The following ZBTB8B variants were observed in gnomAD, a reference collection of about 807,000 sequenced individuals.
The protein encoded by ZBTB8B is zinc finger and BTB domain containing 8B, also known as zinc finger and BTB domain-containing protein 8B.
ZBTB8B carries 17 observed loss-of-function variants against 30.3 expected under a neutral mutation model. That is an observed-to-expected ratio of 0.56 (90% confidence interval 0.38 to 0.84). The LOEUF is 0.84. Among genes scored for constraint, ZBTB8B ranks in the 40% least tolerant of loss-of-function variants. The pLI, the probability that ZBTB8B is intolerant of heterozygous loss-of-function variation, is 0.00. For missense variants in ZBTB8B, 515 were observed against 644.9 expected (o/e 0.80, Z 2.18); for synonymous variants, 248 against 255.6 (o/e 0.97, Z 0.28).
rs1050941921 is a variant in ZBTB8B, at chr1:32,465,320, C to G, written c.-42+215C>G. Among the ~76,000 whole-genome samples the G allele has an allele frequency of 6.6e-6, 1 of 152,272 alleles. No homozygotes were observed. The highest frequency in any genetic ancestry group is 1.9e-4 in the East Asian group (1 of 5,190). ...GGCAGGCGCGGCCGTGGGGCCCCAG[C>G]TTCCCTGTCATTGGGTGTCCTCCGC... On this transcript the variant is annotated intron_variant, in intron 1 of 3. Transcript: ENST00000609129. This position sits in a 1 kb window ranked among gnomAD's most constrained non-coding sequence, Gnocchi z 4.1.
In ZBTB8B at chr1:32,471,159, C is replaced by G; in HGVS notation, c.535C>G (p.Pro179Ala). Residue 179 changes from proline to alanine, a missense_variant, in exon 2 of 4, where the codon CCA becomes GCA. Physicochemically the swap from Pro to Ala is conservative, Grantham distance 27. Coordinates refer to ENST00000609129, the MANE Select transcript of ZBTB8B (RefSeq NM_001145720.2). ...TGGTACCAAGAGCTTGGTCTCCTCT[C>G]CAGCCGAGGGAGAAAAGAGCGTGGA... The part of the protein sequence containing the change: ...SCGTKSLVSS[P>A]AEGEKSVECL... The G allele has an allele frequency of 6.4e-7, 1 of 1,551,798 alleles. No homozygotes were observed. The highest frequency in any genetic ancestry group is 2.0e-5 in the Admixed American group (1 of 51,012).
In ZBTB8B at chr1:32,495,987, A is replaced by G. The variant is rs1643814544; in HGVS notation, c.*10569A>G. On this transcript the variant is annotated 3_prime_UTR_variant, in exon 4 of 4. Transcript: ENST00000609129. Reference sequence around the variant, plus strand: ...CATAATTTTAGTTACTGTTTTTCTCAGGGCAATTATTTTATATAAAATTCT... The same window carrying G: ...CATAATTTTAGTTACTGTTTTTCTCGGGGCAATTATTTTATATAAAATTCT... The G allele has an allele frequency of 6.6e-6, 1 of 152,144 alleles. No homozygotes were observed. 9.4% of individuals were successfully genotyped at this position (152,144 alleles called of 1,614,324 possible). A position where few individuals can be genotyped will look rare whatever the true frequency, so the allele number is the denominator to read the frequency against.
At chr1:32,474,796 C>T (rs753180687) in intron 2 of ZBTB8B, among the ~76,000 whole-genome samples, 54 of 152,276 alleles carry the variant, frequency 3.5e-4, no homozygotes, top group Non-Finnish European at 5.7e-4. Context: ...TAGTGAGTTT[C>T]GTAAGAATGT....
chr1:32,472,135 C>G (rs1643629658), intron 2 of ZBTB8B, among the ~76,000 whole-genome samples: 1 of 152,156 alleles, frequency 6.6e-6, no homozygotes, highest in Non-Finnish European at 1.5e-5. Flanking sequence ...ATTGCCACCA[C>G]CACCACCACC....
chr1:32,465,588 A>T lies in ZBTB8B; in HGVS notation c.-42+483A>T, dbSNP rs574185679. ...GGAGGGTCTGTCTTGCGAGCAGTTTAGATGCAGTTGACCCTGAAATTCTTC... is the reference window on the plus strand; with the variant it reads ...GGAGGGTCTGTCTTGCGAGCAGTTTTGATGCAGTTGACCCTGAAATTCTTC... On this transcript the variant is annotated intron_variant, in intron 1 of 3. Coordinates refer to ENST00000609129, the MANE Select transcript of ZBTB8B (RefSeq NM_001145720.2). This position sits in a 1 kb window ranked among gnomAD's most constrained non-coding sequence, Gnocchi z 4.1. Among the ~76,000 whole-genome samples, 1 of 152,268 alleles carries T rather than the reference A, an allele frequency of 6.6e-6. No individual in the cohort carries two copies. The highest frequency in any genetic ancestry group is 2.1e-4 in the South Asian group (1 of 4,828).
chr1:32,477,648 C>A (rs1206299234), intron 2 of ZBTB8B, among the ~76,000 whole-genome samples: 1 of 151,878 alleles, frequency 6.6e-6, no homozygotes, highest in African/African-American at 2.4e-5. Context: ...CACCTGTAAT[C>A]CTGGCACTTT....
At position 32,492,939 on chromosome 1, in the gene ZBTB8B, A is replaced by G. The variant is rs938060187; in HGVS notation, c.*7521A>G. The G allele has an allele frequency of 4.0e-5, 6 of 151,842 alleles. No homozygotes were observed. The highest frequency in any genetic ancestry group is 1.5e-4 in the African/African-American group (6 of 41,316). The allele number at this position is 151,842 out of a possible 1,614,324, so 9.4% of individuals were successfully genotyped here. On this transcript the variant is annotated 3_prime_UTR_variant, in exon 4 of 4. Coordinates refer to ENST00000609129, the MANE Select transcript of ZBTB8B (RefSeq NM_001145720.2). Reference sequence around the variant, plus strand: ...CTCAGAGACGCTTTCTGTCTAAGCTACTCTTCCTATCCAGTAAACTTCCAG... The same window carrying G: ...CTCAGAGACGCTTTCTGTCTAAGCTGCTCTTCCTATCCAGTAAACTTCCAG...
chr1:32,471,397 TGGA>T lies in ZBTB8B; in HGVS notation c.779_781del (p.Glu260del), dbSNP rs1557681047. ...GCTGCCCCGCTGAACCTGGCCCACG[TGGA>T]GGAGGCCTTGCCAAGCGGCCAGGCG... On this transcript the variant is annotated inframe_deletion, in exon 2 of 4. Transcript: ENST00000609129. The T allele has an allele frequency of 6.4e-7, 1 of 1,551,774 alleles. No individual in the cohort carries two copies. Among genetic ancestry groups the T allele is most frequent in the East Asian group, 2.4e-5 (1 of 40,926 alleles).
In ZBTB8B at chr1:32,476,149, G is replaced by GT. The variant is rs1643663753; in HGVS notation, c.991+4538dup. On this transcript the variant is annotated intron_variant, in intron 2 of 3. Transcript: ENST00000609129. Reference sequence around the variant, plus strand: ...GTTTTGTTTTGTTTTGTTTTGTTTTGTTTTGAGACAGGGTCTCACGCTGTC... The same window carrying GT: ...GTTTTGTTTTGTTTTGTTTTGTTTTGTTTTTGAGACAGGGTCTCACGCTGTC... 6.0e-5 allele frequency among the ~76,000 whole-genome samples: 9 copies of GT among 151,182 alleles called. No homozygotes were observed. In the East Asian group the frequency reaches 9.8e-4, roughly 16 times the overall value.
rs746279390 is a variant in ZBTB8B at position 32,471,453 on chromosome 1, G to T, written c.829G>T (p.Val277Leu). 2.6e-6 allele frequency: 4 copies of T among 1,551,814 alleles called. No individual in the cohort carries two copies. Among genetic ancestry groups the T allele is most frequent in the Non-Finnish European group, 2.6e-6 (3 of 1,147,016 alleles). Residue 277 changes from valine to leucine, a missense_variant, in exon 2 of 4, where the codon GTG (valine) becomes TTG (leucine). By Grantham distance (32) the Val-to-Leu change is conservative. Coordinates refer to ENST00000609129, the MANE Select transcript of ZBTB8B (RefSeq NM_001145720.2). ...TGACTTGGCTTACAGCAACTACCACGTGAAGCAGTTCCTGGAGGCGCTCTT... is the reference window on the plus strand; with the variant it reads ...TGACTTGGCTTACAGCAACTACCACTTGAAGCAGTTCCTGGAGGCGCTCTT... The part of the protein sequence containing the change: ...AVDLAYSNYH[V>L]KQFLEALLRN...
At position 32,489,119 on chromosome 1, in the gene ZBTB8B, C is replaced by G. The variant is rs1167846913; in HGVS notation, c.*3701C>G. 1 of 152,110 alleles carries G rather than the reference C, an allele frequency of 6.6e-6. No homozygotes were observed. The highest frequency in any genetic ancestry group is 1.5e-5 in the Non-Finnish European group (1 of 68,018). The allele number at this position is 152,110 out of a possible 1,614,324, so 9.4% of individuals were successfully genotyped here. A position where few individuals can be genotyped will look rare whatever the true frequency, so the allele number is the denominator to read the frequency against. On this transcript the variant is annotated 3_prime_UTR_variant, in exon 4 of 4. Transcript: ENST00000609129. ...GCTGACCTTCATAATATTTAGTAGC[C>G]CCTTATACTCTCGCAAATTTTAGAA...
intron 3 of ZBTB8B, among the ~76,000 whole-genome samples, chr1:32,482,716 G>A (rs2148185793): frequency 6.7e-6 from 1 of 150,370 alleles, no homozygotes; most frequent in African/African-American, 2.4e-5. Flanking sequence ...CTCAGAATGG[G>A]AGAAAATATT....
Position 32,493,063 on chromosome 1 carries a change from T to C in ZBTB8B, c.*7645T>C, listed in dbSNP as rs1326537962. The stretch of plus-strand genomic sequence containing the variant: ...TTGGTCACTAACAGTGTTTAAATTA[T>C]GTGTTTTATTCAGTTATGCAAAAAT... On this transcript the variant is annotated 3_prime_UTR_variant, in exon 4 of 4. Transcript: ENST00000609129. 1 of 152,244 alleles carries C rather than the reference T, an allele frequency of 6.6e-6. No homozygotes were observed. The highest frequency in any genetic ancestry group is 1.5e-5 in the Non-Finnish European group (1 of 68,040). The allele number at this position is 152,244 out of a possible 1,614,324, so 9.4% of individuals were successfully genotyped here.
intron 3 of ZBTB8B, among the ~76,000 whole-genome samples, chr1:32,483,106 C>G (rs918263341): frequency 2.0e-5 from 3 of 151,428 alleles, no homozygotes; most frequent in Admixed American, 6.6e-5. Flanking sequence ...AAGATAGTTC[C>G]TAGGCCCAGC....
intron 1 of ZBTB8B, among the ~76,000 whole-genome samples, chr1:32,468,800 G>A (rs1412910798): frequency 2.0e-5 from 3 of 151,702 alleles, no homozygotes; most frequent in Non-Finnish European, 4.4e-5. Flanking sequence ...GGCGGAGGTT[G>A]CAGTGAGCCG....
Position 32,470,925 on chromosome 1 carries a change from G to A in ZBTB8B, c.301G>A (p.Ala101Thr). 2 of 1,552,222 alleles carry A rather than the reference G, an allele frequency of 1.3e-6. No homozygotes were observed. Among genetic ancestry groups the A allele is most frequent in the Non-Finnish European group, 1.7e-6 (2 of 1,147,116 alleles). The change falls in exon 2 of 4, where the codon GCT (alanine) becomes ACT (threonine). Residue 101 changes from alanine (A) to threonine (T), a missense_variant. This residue lies in a region of ZBTB8B where 61 missense variants were observed against 117.7 expected (regional missense o/e 0.52). Coordinates refer to ENST00000609129, the MANE Select transcript of ZBTB8B (RefSeq NM_001145720.2). Reference sequence around the variant, plus strand: ...GGAGAATGTGATTGAAGTGATGTCGGCTGCCAGCTACCTGCAGATGAATGA... The same window carrying A: ...GGAGAATGTGATTGAAGTGATGTCGACTGCCAGCTACCTGCAGATGAATGA... The part of the protein sequence containing the change: ...CGENVIEVMS[A>T]ASYLQMNDVV...
At position 32,470,646 on chromosome 1, in the gene ZBTB8B, G is replaced by T; in HGVS notation, c.22G>T (p.Ala8Ser). 1 of 1,551,308 alleles carries T rather than the reference G, an allele frequency of 6.4e-7. No homozygotes were observed. Among genetic ancestry groups the T allele is most frequent in the Non-Finnish European group, 8.7e-7 (1 of 1,146,818 alleles). The change falls in exon 2 of 4, where the codon GCC becomes TCC. Residue 8 changes from alanine to serine, a missense_variant. This residue lies in a region of ZBTB8B where 25 missense variants were observed against 22.9 expected (regional missense o/e 1.09). Coordinates refer to ENST00000609129, the MANE Select transcript of ZBTB8B (RefSeq NM_001145720.2). MEMQSYY[A>S]KLLGELNEQR... ...AGCAATGGAGATGCAATCCTATTAT[G>T]CCAAGCTTTTGGGGGAGCTGAATGA...
intron 2 of ZBTB8B, among the ~76,000 whole-genome samples, chr1:32,480,145 A>C (rs180728379): frequency 1.3e-5 from 2 of 152,202 alleles, no homozygotes; most frequent in African/African-American, 4.8e-5. Context: ...AAGCTTAAAC[A>C]ACAGAAATGT....
intron 2 of ZBTB8B, among the ~76,000 whole-genome samples, chr1:32,472,104 T>C (rs1374171027): frequency 2.0e-5 from 3 of 152,186 alleles, no homozygotes; most frequent in Non-Finnish European, 4.4e-5. Flanking sequence ...CATCTCATTA[T>C]GATCATCATC....
Sources: gnomAD v4.1 joint callset for allele counts (sites outside exome capture counted in the v4.1 genomes callset) on GRCh38, gnomAD v4.1.1 for gene constraint, gnomAD v4.1.1 regional missense constraint, Gnocchi (gnomAD v3.1) non-coding constraint, MANE v1.5 for transcripts, NCBI Gene and HGNC (gene_info 2026-07-23, HGNC 2026-07-21) for gene names.